SYNPR: variants seen among roughly 807,000 people sequenced by gnomAD.
The protein encoded by SYNPR is synaptoporin.
In SYNPR, 23 loss-of-function variants were observed where a neutral mutation model predicts 32.9. That is an observed-to-expected ratio of 0.70 (90% CI 0.50 to 0.99). The LOEUF is 0.99. Among genes scored for constraint, SYNPR ranks in the 50% least tolerant of loss-of-function variants. The pLI, the probability that SYNPR is intolerant of heterozygous loss-of-function variation, is 0.00. For synonymous variants in SYNPR, 146 were observed against 135.9 expected, an observed-to-expected ratio of 1.07 and a Z score of -0.52; for missense variants, 318 against 349.3, an observed-to-expected ratio of 0.91 and a Z score of 0.71.
chr3:63,318,959 C>T (rs776485624), intron 2 of SYNPR, among the ~76,000 whole-genome samples: 9 of 152,078 alleles, frequency 5.9e-5, no homozygotes, highest in Middle Eastern at 3.4e-3. Context: ...GTTCCCTTGA[C>T]GTAGTACTCT....
intron 4 of SYNPR, among the ~76,000 whole-genome samples, chr3:63,595,013 G>T (rs955980742): frequency 3.6e-4 from 55 of 152,252 alleles, no homozygotes; most frequent in African/African-American, 1.3e-3. Flanking sequence ...TAAATGTGGA[G>T]CCTCCAGCTC....
chr3:63,374,525 G>A (rs1006968769), intron 2 of SYNPR, among the ~76,000 whole-genome samples: 10 of 152,008 alleles, frequency 6.6e-5, no homozygotes, highest in Non-Finnish European at 1.3e-4. Context: ...TGTACACCAA[G>A]CCCCTGTGAC....
At chr3:63,440,049 G>A (rs549927798) in intron 2 of SYNPR, among the ~76,000 whole-genome samples, 110 of 152,262 alleles carry the variant, frequency 7.2e-4, no homozygotes, top group African/African-American at 2.6e-3. Flanking sequence ...AAATAAATAA[G>A]CAAGAAGGTA....
intron 2 of SYNPR, among the ~76,000 whole-genome samples, chr3:63,386,077 T>C (rs2088039814): frequency 6.6e-6 from 1 of 152,220 alleles, no homozygotes; most frequent in Admixed American, 6.5e-5. Context: ...CATCAAGTAC[T>C]ATGGTCAGTG....
At chr3:63,225,780 C>G (rs906147501), upstream of SYNPR, among the ~76,000 whole-genome samples, 1 of 152,048 alleles carries the variant, frequency 6.6e-6, no homozygotes, top group Non-Finnish European at 1.5e-5. Context: ...AAAGCATAGA[C>G]GATTAAAGCA....
At chr3:63,203,267 C>G in the SYNPR span, 1 of 151,914 alleles carries the variant, frequency 6.6e-6, no homozygotes, top group African/African-American at 2.4e-5. Context: ...TTCATGGTCC[C>G]CCAGTATCGT....
chr3:63,397,338 T>G (rs113820622), intron 2 of SYNPR, among the ~76,000 whole-genome samples: 1 of 152,198 alleles, frequency 6.6e-6, no homozygotes, highest in Non-Finnish European at 1.5e-5. Flanking sequence ...CTTTGTTTAA[T>G]GCAGAGAACT....
intron 3 of SYNPR, among the ~76,000 whole-genome samples, chr3:63,496,890 G>C (rs959074581): frequency 4.6e-5 from 7 of 152,046 alleles, no homozygotes; most frequent in Non-Finnish European, 8.8e-5. Flanking sequence ...TATGGTACCA[G>C]GCACTATGCT....
chr3:63,609,190 ACTGT>A lies in SYNPR; in HGVS notation c.478_481del (p.Ser160ThrfsTer14). The A allele has an allele frequency of 6.2e-7, 1 of 1,611,362 alleles. No individual in the cohort carries two copies. The highest frequency in any genetic ancestry group is 8.5e-7 in the Non-Finnish European group (1 of 1,178,764). The stretch of plus-strand genomic sequence containing the variant: ...TGGGTTCATCAGCTTGGGCAAAAGG[ACTGT>A]CTGACGTCAAAGTTGCAACGGATCC... On this transcript the variant is annotated frameshift_variant, in exon 5 of 6. Coordinates refer to ENST00000478300, the MANE Select transcript of SYNPR (RefSeq NM_001130003.2). LOFTEE classifies it high-confidence loss of function.
intron 2 of SYNPR, among the ~76,000 whole-genome samples, chr3:63,453,342 T>TG (rs1237979124): frequency 6.6e-6 from 1 of 152,124 alleles, no homozygotes; most frequent in Non-Finnish European, 1.5e-5. Context: ...ACTCAGAGAC[T>TG]CTTTTTTACC....
At chr3:63,552,728 T>G (rs1185082268) in intron 3 of SYNPR, among the ~76,000 whole-genome samples, 3 of 152,184 alleles carry the variant, frequency 2.0e-5, no homozygotes. Flanking sequence ...TCCTAGTTAA[T>G]GTCCTTATTA....
At chr3:63,417,005 A>T (rs1346227976) in intron 2 of SYNPR, among the ~76,000 whole-genome samples, 2 of 152,196 alleles carry the variant, frequency 1.3e-5, no homozygotes, top group Non-Finnish European at 2.9e-5. Flanking sequence ...CCTTCCCAAC[A>T]GTCCCCCAAA....
intron 2 of SYNPR, among the ~76,000 whole-genome samples, chr3:63,472,055 C>T (rs1700811043): frequency 6.6e-6 from 1 of 152,222 alleles, no homozygotes; most frequent in Non-Finnish European, 1.5e-5. Context: ...TGCTGAGGCA[C>T]AGTACGTGAG....
chr3:63,523,362 AG>A (rs1288079654), intron 3 of SYNPR, among the ~76,000 whole-genome samples: 51 of 152,034 alleles, frequency 3.4e-4, no homozygotes, highest in African/African-American at 1.2e-3. Context: ...GCAGTTGCTG[AG>A]GGATGTTAAG....
chr3:63,452,274 GT>G (rs1700392897), intron 2 of SYNPR, among the ~76,000 whole-genome samples: 1 of 152,162 alleles, frequency 6.6e-6, no homozygotes, highest in African/African-American at 2.4e-5. Flanking sequence ...TTGCAATCTA[GT>G]CGGGGGGACA....
At chr3:63,408,391 A>C (rs62251404) in intron 2 of SYNPR, among the ~76,000 whole-genome samples, 37,955 of 141,204 alleles carry the variant, frequency 0.27, 6,639 homozygotes, top group Middle Eastern at 0.4. Flanking sequence ...AAAAGGAAGG[A>C]AGGCTTGTTA....
chr3:63,501,514 AG>A (rs149292532), intron 3 of SYNPR, among the ~76,000 whole-genome samples: 11 of 94,594 alleles, frequency 1.2e-4, no homozygotes, highest in Non-Finnish European at 2.1e-4. Context: ...AAAAAAAAAA[AG>A]AAAAGAAAAA....
chr3:63,610,369 G>A (rs932813361), intron 5 of SYNPR: 11 of 483,646 alleles, frequency 2.3e-5, no homozygotes, highest in East Asian at 9.0e-5. Flanking sequence ...AAAAAGCAGC[G>A]GTTATCGAAG....
rs1229782540 is a variant in SYNPR, at chr3:63,600,022, A to G, written c.409-9103A>G. ...CTTAAAGTTATTATTCACATAAAAT[A>G]TACCAAAAATCATCTTTCTCCCAAA... On this transcript the variant is annotated intron_variant, in intron 4 of 5. Coordinates refer to ENST00000478300, the MANE Select transcript of SYNPR (RefSeq NM_001130003.2). Among the ~76,000 whole-genome samples, 13 of 152,264 alleles carry G rather than the reference A, an allele frequency of 8.5e-5. No homozygotes were observed. The East Asian group carries it at 2.1e-3, about 25-fold the overall frequency.
Sources: allele counts gnomAD v4.1 joint callset (sites outside exome capture counted in the v4.1 genomes callset), GRCh38; gene constraint gnomAD v4.1.1; transcripts MANE v1.5; gene names NCBI Gene and HGNC (gene_info 2026-07-23, HGNC 2026-07-21).